AGMO: variants seen among roughly 807,000 people sequenced by gnomAD.
The protein encoded by AGMO is alkylglycerol monooxygenase, also known as glyceryl-ether monooxygenase.
In AGMO, 75 loss-of-function variants were observed where a neutral mutation model predicts 60.2. The ratio of observed to expected loss-of-function variants is 1.25; its 90% confidence interval spans 1.03 to 1.51. The LOEUF (loss-of-function observed/expected upper bound fraction) is 1.51, where lower values mean the gene tolerates loss of function less well. Ranked by LOEUF, AGMO falls within the 40% of genes most tolerant of loss-of-function variation. AGMO has a pLI of 0.00. For missense variants in AGMO, 763 were observed against 525.5 expected, an observed-to-expected ratio of 1.45 and a Z score of -4.42; for synonymous variants, 261 against 177.1, an observed-to-expected ratio of 1.47 and a Z score of -3.76.
At chr7:15,139,404 C>T in the AGMO span, among the ~76,000 whole-genome samples, 2 of 151,980 alleles carry the variant, frequency 1.3e-5, no homozygotes, top group African/African-American at 2.4e-5. Flanking sequence ...TGTGCAGGTT[C>T]GTTATACAGG....
intron 12 of AGMO, among the ~76,000 whole-genome samples, chr7:15,363,958 A>G (rs1051915020): frequency 6.6e-6 from 1 of 151,960 alleles, no homozygotes; most frequent in Non-Finnish European, 1.5e-5. Context: ...ATATTTCTGA[A>G]TTTTATTAAA....
At chr7:15,515,261 T>G (rs756596827) in intron 3 of AGMO, among the ~76,000 whole-genome samples, 32 of 152,366 alleles carry the variant, frequency 2.1e-4, no homozygotes, top group Non-Finnish European at 4.3e-4. Context: ...TTCTCTTTAG[T>G]AAAGACCTCC....
intron 3 of AGMO, among the ~76,000 whole-genome samples, chr7:15,535,752 A>T (rs545537552): frequency 1.3e-5 from 2 of 152,032 alleles, no homozygotes; most frequent in South Asian, 4.2e-4. Context: ...AAAAAATTGG[A>T]TATCCATCAC....
intron 12 of AGMO, among the ~76,000 whole-genome samples, chr7:15,213,365 G>T (rs752404568): frequency 6.6e-6 from 1 of 150,850 alleles, no homozygotes; most frequent in Non-Finnish European, 1.5e-5. Flanking sequence ...TCAATGCGAG[G>T]GTAGAAATAG....
chr7:15,133,425 A>T, the AGMO span, among the ~76,000 whole-genome samples: 1 of 152,136 alleles, frequency 6.6e-6, no homozygotes, highest in Non-Finnish European at 1.5e-5. Flanking sequence ...TAGTTATTGT[A>T]CGGATCATGG....
At chr7:15,556,695 C>T (rs572137730) in intron 2 of AGMO, among the ~76,000 whole-genome samples, 1 of 152,138 alleles carries the variant, frequency 6.6e-6, no homozygotes, top group South Asian at 2.1e-4. Flanking sequence ...CAGGATATTT[C>T]ACAAGTTTTA....
chr7:15,324,124 G>A (rs1781264807), intron 12 of AGMO, among the ~76,000 whole-genome samples: 1 of 152,148 alleles, frequency 6.6e-6, no homozygotes, highest in Non-Finnish European at 1.5e-5. Flanking sequence ...GTTTCCATCA[G>A]ACAATCATCA....
chr7:15,202,487 A>AAC (rs1781322108), intron 12 of AGMO, among the ~76,000 whole-genome samples: 2 of 139,366 alleles, frequency 1.4e-5, no homozygotes, highest in African/African-American at 5.4e-5. Flanking sequence ...AAAAAAAAAA[A>AAC]AACCCTCCCA....
At chr7:15,249,700 A>G (rs1782876057) in intron 12 of AGMO, among the ~76,000 whole-genome samples, 1 of 152,086 alleles carries the variant, frequency 6.6e-6, no homozygotes, top group Non-Finnish European at 1.5e-5. Context: ...TGGGGGGGAA[A>G]TAAAAGGGGT....
At chr7:15,280,772 G>A (rs1237200874) in intron 12 of AGMO, among the ~76,000 whole-genome samples, 1 of 152,170 alleles carries the variant, frequency 6.6e-6, no homozygotes, top group African/African-American at 2.4e-5. Flanking sequence ...TTGCCTACAG[G>A]ACCTGGCTAA....
intron 12 of AGMO, among the ~76,000 whole-genome samples, chr7:15,204,666 T>C (rs143815095): frequency 6.6e-6 from 1 of 152,194 alleles, no homozygotes; most frequent in African/African-American, 2.4e-5. Flanking sequence ...TTCAGGCTAT[T>C]TCCTTGACTT....
At position 15,542,510 on chromosome 7, in the gene AGMO, G is replaced by A. The variant is rs76840465; in HGVS notation, c.409+2262C>T. Reference sequence around the variant, plus strand: ...GATTCTTTGTTTCCTGTTATAATGGGCTTTCCAGGAGTAAACAAATTTGCA... The same window carrying A: ...GATTCTTTGTTTCCTGTTATAATGGACTTTCCAGGAGTAAACAAATTTGCA... On this transcript the variant is annotated intron_variant, in intron 3 of 12. Transcript: ENST00000342526. Among the ~76,000 whole-genome samples, 140 of 152,092 alleles carry A rather than the reference G, an allele frequency of 9.2e-4. 1 individual carries two copies. In the East Asian group the frequency reaches 0.022, roughly 24 times the overall value.
rs1158799216 is a variant in AGMO, at chr7:15,365,577, G to A, written c.1200C>T (p.Phe400=). Reference sequence around the variant, plus strand: ...GGTGACCAAATCGGTACAGCATTAAGAACATCAAGCAACGGAGAGTTTCCA... The same window carrying A: ...GGTGACCAAATCGGTACAGCATTAAAAACATCAAGCAACGGAGAGTTTCCA... ...AIMETLRCLM[F]LMLYRFGHLK... Residue 400 remains phenylalanine (F), a synonymous_variant, in exon 12 of 13, where the codon TTC becomes TTT. Coordinates refer to ENST00000342526, the MANE Select transcript of AGMO (RefSeq NM_001004320.2). 3 of 1,612,798 alleles carry A rather than the reference G, an allele frequency of 1.9e-6. No individual in the cohort carries two copies. Among genetic ancestry groups the A allele is most frequent in the African/African-American group, 2.7e-5 (2 of 74,916 alleles).
At chr7:15,386,893 A>T (rs1267330963) in intron 9 of AGMO, among the ~76,000 whole-genome samples, 2 of 152,066 alleles carry the variant, frequency 1.3e-5, no homozygotes, top group African/African-American at 4.8e-5. Flanking sequence ...TTTGGTTTTC[A>T]ATGTGGTTTC....
intron 3 of AGMO, among the ~76,000 whole-genome samples, chr7:15,530,396 T>A (rs911604972): frequency 2.2e-5 from 3 of 134,194 alleles, no homozygotes; most frequent in South Asian, 2.4e-4. Flanking sequence ...ATATATTCTA[T>A]ATACGTATTT....
At chr7:15,515,983 G>C (rs2128532795) in intron 3 of AGMO, among the ~76,000 whole-genome samples, 1 of 152,248 alleles carries the variant, frequency 6.6e-6, no homozygotes, top group East Asian at 1.9e-4. Flanking sequence ...GGTGACTACA[G>C]TGAATAACAA....
chr7:15,163,459 G>T, the AGMO span, among the ~76,000 whole-genome samples: 9,980 of 152,068 alleles, frequency 0.066, 1,045 homozygotes, highest in African/African-American at 0.22. Context: ...CTGTTGGTTT[G>T]TCATATATGG....
downstream of AGMO, among the ~76,000 whole-genome samples, chr7:15,198,388 A>G (rs1781190715): frequency 6.6e-6 from 1 of 152,174 alleles, no homozygotes; most frequent in East Asian, 1.9e-4. Flanking sequence ...GCAAAAGAAA[A>G]CTGGACTGGA....
chr7:15,524,693 T>A (rs1300259440), intron 3 of AGMO, among the ~76,000 whole-genome samples: 1 of 145,684 alleles, frequency 6.9e-6, no homozygotes, highest in East Asian at 2.1e-4. Context: ...AGAAACCCCA[T>A]CTCTACTAAA....
Sources: allele counts gnomAD v4.1 joint callset (sites outside exome capture counted in the v4.1 genomes callset), GRCh38; gene constraint gnomAD v4.1.1; transcripts MANE v1.5; gene names NCBI Gene and HGNC (gene_info 2026-07-23, HGNC 2026-07-21).